NRXN1: variants seen among roughly 807,000 people sequenced by gnomAD.
NRXN1 encodes neurexin 1.
NRXN1 carries 39 observed loss-of-function variants against 150.9 expected under a neutral mutation model. That is an observed-to-expected ratio of 0.26 (90% CI 0.20 to 0.34). The LOEUF is 0.34. Among genes scored for constraint, NRXN1 ranks in the 10% least tolerant of loss-of-function variants. The pLI is 1.00. For synonymous variants in NRXN1, 924 were observed against 757.0 expected (o/e 1.22, Z -3.62); for missense variants, 1,815 against 1,949.9 (o/e 0.93, Z 1.30).
At chr2:50,987,543 T>C (rs186685489) in intron 2 of NRXN1, among the ~76,000 whole-genome samples, 2 of 152,082 alleles carry the variant, frequency 1.3e-5, no homozygotes, top group East Asian at 3.9e-4. Flanking sequence ...TCTGTGTGTG[T>C]CTAAAGTTTA....
chr2:50,400,132 G>T, intron 17 of NRXN1, among the ~76,000 whole-genome samples: 1 of 151,908 alleles, frequency 6.6e-6, no homozygotes, highest in South Asian at 2.1e-4. Flanking sequence ...TCACCTATTT[G>T]TATACTTTGC....
At chr2:50,931,174 G>T (rs1026646500) in intron 2 of NRXN1, among the ~76,000 whole-genome samples, 1 of 151,934 alleles carries the variant, frequency 6.6e-6, no homozygotes, top group Admixed American at 6.6e-5. Flanking sequence ...AAGACTAATG[G>T]TCTTCATTTG....
chr2:50,938,180 G>C (rs112086565), intron 2 of NRXN1, among the ~76,000 whole-genome samples: 3,763 of 152,182 alleles, frequency 0.025, 68 homozygotes, highest in Middle Eastern at 0.068. Flanking sequence ...AAATGTGAAA[G>C]CCTAGGACAT....
At chr2:50,609,230 T>C (rs1677628394) in intron 8 of NRXN1, among the ~76,000 whole-genome samples, 1 of 152,142 alleles carries the variant, frequency 6.6e-6, no homozygotes, top group Non-Finnish European at 1.5e-5. Flanking sequence ...CATAAATTCA[T>C]CTGCAACCAG....
intron 17 of NRXN1, among the ~76,000 whole-genome samples, chr2:50,315,175 T>C (rs983520990): frequency 3.9e-5 from 6 of 152,046 alleles, no homozygotes; most frequent in Admixed American, 2.6e-4. Flanking sequence ...GTGAGCTTTT[T>C]TTTCCCCCTG....
chr2:50,580,192 G>A (rs978422537), intron 8 of NRXN1, among the ~76,000 whole-genome samples: 17 of 152,080 alleles, frequency 1.1e-4, no homozygotes, highest in African/African-American at 4.1e-4. Flanking sequence ...AACAGAAGTT[G>A]GAAAACAGAC....
chr2:50,710,006 T>C (rs1694949779), intron 5 of NRXN1, among the ~76,000 whole-genome samples: 1 of 152,152 alleles, frequency 6.6e-6, no homozygotes, highest in Non-Finnish European at 1.5e-5. Context: ...AAAAGAGATC[T>C]AGAGGTATCT....
chr2:50,667,898 A>G (rs1688301993), intron 5 of NRXN1, among the ~76,000 whole-genome samples: 1 of 152,002 alleles, frequency 6.6e-6, no homozygotes, highest in African/African-American at 2.4e-5. Flanking sequence ...CTCATTACTT[A>G]CATTTGTATA....
At chr2:50,020,911 T>C (rs764700108) in intron 21 of NRXN1, among the ~76,000 whole-genome samples, 24 of 152,190 alleles carry the variant, frequency 1.6e-4, no homozygotes, top group Non-Finnish European at 2.2e-4. Context: ...CTTCTCAATT[T>C]TTCTAGAAAA....
At chr2:50,053,195 A>G (rs1405552531) in intron 21 of NRXN1, 76 bp downstream of exon 21, 3 of 1,461,980 alleles carry the variant, frequency 2.1e-6, no homozygotes, top group East Asian at 4.5e-5. Flanking sequence ...CAATTTAGAA[A>G]AGACGCATAT....
intron 17 of NRXN1, among the ~76,000 whole-genome samples, chr2:50,326,607 C>G (rs768332415): frequency 6.6e-6 from 1 of 152,168 alleles, no homozygotes; most frequent in African/African-American, 2.4e-5. Context: ...ACCTTATCTT[C>G]AGTTTGGTAG....
At chr2:50,529,762 A>T (rs1371089164) in intron 11 of NRXN1, among the ~76,000 whole-genome samples, 1 of 152,142 alleles carries the variant, frequency 6.6e-6, no homozygotes, top group East Asian at 1.9e-4. Context: ...ACTGCATGCA[A>T]TTAGGCGATT....
chr2:50,334,954 T>A (rs1227199235), intron 17 of NRXN1, among the ~76,000 whole-genome samples: 1 of 152,284 alleles, frequency 6.6e-6, no homozygotes, highest in East Asian at 1.9e-4. Flanking sequence ...ACTGTTGATA[T>A]CACAGCTTAA....
intron 18 of NRXN1, among the ~76,000 whole-genome samples, chr2:50,188,060 A>G (rs1351599700): frequency 6.6e-6 from 1 of 152,020 alleles, no homozygotes; most frequent in Non-Finnish European, 1.5e-5. Flanking sequence ...CTATTTGAAT[A>G]CCCTATGTTT....
At chr2:50,310,000 T>G (rs1041056170) in intron 17 of NRXN1, among the ~76,000 whole-genome samples, 4 of 152,188 alleles carry the variant, frequency 2.6e-5, no homozygotes, top group African/African-American at 9.7e-5. Flanking sequence ...AAAAGAAAGC[T>G]TGCTATGTTT....
intron 18 of NRXN1, among the ~76,000 whole-genome samples, chr2:50,197,756 C>A (rs2061870741): frequency 6.6e-6 from 1 of 152,036 alleles, no homozygotes; most frequent in Non-Finnish European, 1.5e-5. Flanking sequence ...CAATTCTCCT[C>A]TGAGATTTTC....
chr2:49,993,668 T>C (rs1326640029), intron 21 of NRXN1, among the ~76,000 whole-genome samples: 4 of 152,160 alleles, frequency 2.6e-5, no homozygotes, highest in Non-Finnish European at 5.9e-5. Flanking sequence ...AGAAAACCTC[T>C]ACCTTCCTCT....
chr2:50,722,752 A>T (rs1236443608), intron 5 of NRXN1, among the ~76,000 whole-genome samples: 1 of 152,230 alleles, frequency 6.6e-6, no homozygotes, highest in Non-Finnish European at 1.5e-5. Flanking sequence ...CTTAACAACA[A>T]CAAAAATCAA....
Position 50,346,907 on chromosome 2 carries a change from G to T in NRXN1, c.3365-109937C>A. 7.7e-7 allele frequency: 1 copy of T among 1,298,412 alleles called. No individual in the cohort carries two copies. The highest frequency in any genetic ancestry group is 2.3e-5 in the South Asian group (1 of 42,828). 80.4% of individuals were successfully genotyped at this position (1,298,412 alleles called of 1,614,324 possible). A position where few individuals can be genotyped will look rare whatever the true frequency, so the allele number is the denominator to read the frequency against. On this transcript the variant is annotated intron_variant, in intron 17 of 22. Coordinates refer to ENST00000401669, the MANE Select transcript of NRXN1 (RefSeq NM_001330078.2). This position sits in a 1 kb window ranked among gnomAD's most constrained non-coding sequence, Gnocchi z 5.0. Reference sequence around the variant, plus strand: ...CCGCCGCCGCCGCCGCCGCCCCCGGGCGAGCCCAGCTCGGCGCCGCACCGG... The same window carrying T: ...CCGCCGCCGCCGCCGCCGCCCCCGGTCGAGCCCAGCTCGGCGCCGCACCGG...
Sources: allele counts gnomAD v4.1 joint callset (sites outside exome capture counted in the v4.1 genomes callset), GRCh38; gene constraint gnomAD v4.1.1; non-coding constraint Gnocchi (gnomAD v3.1); transcripts MANE v1.5; gene names NCBI Gene and HGNC (gene_info 2026-07-23, HGNC 2026-07-21).